The following LY96 variants were observed in gnomAD, a reference collection of about 807,000 sequenced individuals.
LY96 encodes the protein lymphocyte antigen 96, also known as myeloid differentiation protein-2.
Under a neutral mutation model 18.9 loss-of-function variants are expected in LY96, and 18 were observed. The ratio of observed to expected loss-of-function variants is 0.95; its 90% CI spans 0.66 to 1.41. The LOEUF is 1.41. LY96 is among the 40% of genes most tolerant of loss of function. The pLI, the probability that LY96 is intolerant of heterozygous loss-of-function variation, is 0.00. For synonymous variants in LY96, 66 were observed against 62.6 expected (o/e 1.06, Z -0.26); for missense variants, 175 against 182.4 (o/e 0.96, Z 0.23).
the LY96 span, among the ~76,000 whole-genome samples, chr8:74,035,842 C>G: frequency 2.0e-5 from 3 of 152,142 alleles, no homozygotes; most frequent in Non-Finnish European, 2.9e-5. Context: ...TAAAATCTAC[C>G]TATGACCTGG....
chr8:74,087,183 G>T, the LY96 span, among the ~76,000 whole-genome samples: 1 of 152,178 alleles, frequency 6.6e-6, no homozygotes, highest in Non-Finnish European at 1.5e-5. Context: ...AGTGACTTGA[G>T]AAACAGTTTA....
At chr8:74,007,801 C>T (rs1449949708) in intron 2 of LY96, among the ~76,000 whole-genome samples, 1 of 152,128 alleles carries the variant, frequency 6.6e-6, no homozygotes, top group Non-Finnish European at 1.5e-5. Flanking sequence ...ACTCTGTCAC[C>T]CAGGCTGGAG....
the LY96 span, among the ~76,000 whole-genome samples, chr8:74,072,837 G>A: frequency 4.6e-5 from 7 of 152,310 alleles, no homozygotes; most frequent in South Asian, 2.1e-4. Context: ...GAGAAAGGCC[G>A]GGAGCCTGCA....
At chr8:74,037,739 G>A in the LY96 span, among the ~76,000 whole-genome samples, 2 of 152,166 alleles carry the variant, frequency 1.3e-5, no homozygotes, top group African/African-American at 4.8e-5. Flanking sequence ...CCATACTTCT[G>A]GACTTTCTGG....
the LY96 span, among the ~76,000 whole-genome samples, chr8:74,081,099 T>C: frequency 1.5e-5 from 2 of 131,230 alleles, no homozygotes; most frequent in African/African-American, 6.3e-5. Flanking sequence ...CTTTCTTTCT[T>C]TCTTTCTTTC....
At chr8:73,998,512 C>CA (rs1413397561) in intron 1 of LY96, among the ~76,000 whole-genome samples, 2 of 151,236 alleles carry the variant, frequency 1.3e-5, no homozygotes, top group Non-Finnish European at 2.9e-5. Context: ...CCCATCTCTA[C>CA]AAAAAAATGA....
At chr8:74,030,437 C>G (rs570077082), downstream of LY96, among the ~76,000 whole-genome samples, 2 of 152,108 alleles carry the variant, frequency 1.3e-5, no homozygotes, top group Non-Finnish European at 2.9e-5. Flanking sequence ...CGCTTGAACC[C>G]GGGAGGTGAA....
At chr8:74,007,884 C>G (rs1816446776) in intron 2 of LY96, among the ~76,000 whole-genome samples, 1 of 152,172 alleles carries the variant, frequency 6.6e-6, no homozygotes, top group South Asian at 2.1e-4. Context: ...CTCAGCACCC[C>G]TGGTAGCTGG....
chr8:74,072,563 T>G, the LY96 span, among the ~76,000 whole-genome samples: 1 of 152,246 alleles, frequency 6.6e-6, no homozygotes. Flanking sequence ...AGGATTTCTT[T>G]CTTTCAAATA....
intron 1 of LY96, among the ~76,000 whole-genome samples, chr8:74,000,816 A>G (rs1257590918): frequency 6.6e-6 from 1 of 152,222 alleles, no homozygotes; most frequent in East Asian, 1.9e-4. Context: ...GAGGCATTGC[A>G]TCTAGCAATG....
the LY96 span, among the ~76,000 whole-genome samples, chr8:74,054,657 T>TTTC: frequency 7.1e-6 from 1 of 140,940 alleles, no homozygotes; most frequent in African/African-American, 2.7e-5. Context: ...TCTTTCTTTC[T>TTTC]TTCTTTCTTT....
At position 74,029,064 on chromosome 8, in the gene LY96, A is replaced by G. The variant is rs369325277; in HGVS notation, c.*10A>G. 4 of 1,532,654 alleles carry G rather than the reference A, an allele frequency of 2.6e-6. No individual in the cohort carries two copies. In the South Asian group the frequency reaches 4.5e-5, roughly 17 times the overall value. 94.9% of individuals were successfully genotyped at this position (1,532,654 alleles called of 1,614,324 possible). A position where few individuals can be genotyped will look rare whatever the true frequency, so the allele number is the denominator to read the frequency against. The stretch of plus-strand genomic sequence containing the variant: ...ACCTAATTCAAATTAGAATAAATTG[A>G]GTATTTAAAAAAAAATTTAAAGGTA... On this transcript the variant is annotated 3_prime_UTR_variant, in exon 5 of 5. Coordinates refer to ENST00000284818, the MANE Select transcript of LY96 (RefSeq NM_015364.5).
At chr8:74,051,269 A>G in the LY96 span, among the ~76,000 whole-genome samples, 1 of 152,194 alleles carries the variant, frequency 6.6e-6, no homozygotes, top group African/African-American at 2.4e-5. Flanking sequence ...TGAGAACAAC[A>G]TGCTTTCAGG....
At chr8:74,074,394 T>C in the LY96 span, among the ~76,000 whole-genome samples, 1 of 152,156 alleles carries the variant, frequency 6.6e-6, no homozygotes, top group South Asian at 2.1e-4. Context: ...TTTCTTTTGA[T>C]TCTTTTTCTT....
the LY96 span, among the ~76,000 whole-genome samples, chr8:74,081,038 CTTTCTTTCT>C: frequency 1.6e-4 from 18 of 110,672 alleles, no homozygotes; most frequent in African/African-American, 6.5e-4. Flanking sequence ...TTCTTTCTTT[CTTTCTTTCT>C]TTTTCTTTCT....
chr8:74,009,374 C>CAAAAAAAAAAAAAAAAAAAAAA (rs370593442), intron 2 of LY96, among the ~76,000 whole-genome samples: 21 of 58,800 alleles, frequency 3.6e-4, no homozygotes, highest in East Asian at 1.3e-3. Flanking sequence ...CAGTCTTTCT[C>CAAAAAAAAAAAAAAAAAAAAAA]AAAAAAAAAA....
intron 1 of LY96, among the ~76,000 whole-genome samples, chr8:73,995,698 C>T (rs771936762): frequency 1.3e-5 from 2 of 151,940 alleles, no homozygotes; most frequent in Non-Finnish European, 2.9e-5. Context: ...TTCCTATGAT[C>T]CTGAGTCATT....
chr8:73,997,529 G>A (rs1816175864), intron 1 of LY96, among the ~76,000 whole-genome samples: 1 of 152,176 alleles, frequency 6.6e-6, no homozygotes, highest in African/African-American at 2.4e-5. Flanking sequence ...TACAATTAGA[G>A]TGAAATCTCA....
At chr8:74,001,484 C>A (rs1816268323) in intron 1 of LY96, among the ~76,000 whole-genome samples, 1 of 152,102 alleles carries the variant, frequency 6.6e-6, no homozygotes, top group Non-Finnish European at 1.5e-5. Context: ...CCACCTTGGC[C>A]TCCCCAAAGT....
Sources: gnomAD v4.1 joint callset for allele counts (sites outside exome capture counted in the v4.1 genomes callset) on GRCh38, gnomAD v4.1.1 for gene constraint, MANE v1.5 for transcripts, NCBI Gene and HGNC (gene_info 2026-07-23, HGNC 2026-07-21) for gene names.